Variants in SULT6B1 observed in about 807,000 individuals in gnomAD.
SULT6B1 encodes the protein sulfotransferase 6B1.
SULT6B1 carries 44 observed loss-of-function variants against 37.2 expected under a neutral mutation model. The ratio of observed to expected loss-of-function variants is 1.18; its 90% CI spans 0.93 to 1.52. The LOEUF is 1.52. Ranked by LOEUF, SULT6B1 falls within the 40% of genes most tolerant of loss-of-function variation. The pLI, the probability that SULT6B1 is intolerant of heterozygous loss-of-function variation, is 0.00. For synonymous variants in SULT6B1, 140 were observed against 126.0 expected (o/e 1.11, Z -0.74); for missense variants, 450 against 361.0 (o/e 1.25, Z -2.00).
chr2:37,179,119 A>G (rs10181658), intron 4 of SULT6B1, among the ~76,000 whole-genome samples: 1 of 151,884 alleles, frequency 6.6e-6, no homozygotes, highest in Non-Finnish European at 1.5e-5. Context: ...CCACCACGCC[A>G]GGCTAATTTT....
intron 5 of SULT6B1, among the ~76,000 whole-genome samples, chr2:37,174,575 C>T (rs574153207): frequency 6.6e-6 from 1 of 152,184 alleles, no homozygotes; most frequent in African/African-American, 2.4e-5. Context: ...TTTCCTTCAC[C>T]AGCTATGCTG....
At chr2:37,192,478 T>C (rs371971939), upstream of SULT6B1, among the ~76,000 whole-genome samples, 27 of 152,312 alleles carry the variant, frequency 1.8e-4, no homozygotes, top group East Asian at 4.2e-3. Flanking sequence ...TATCTGAATA[T>C]CTTAGTATTT....
At chr2:37,171,840 A>G (rs1356094938) in intron 5 of SULT6B1, among the ~76,000 whole-genome samples, 1 of 152,174 alleles carries the variant, frequency 6.6e-6, no homozygotes, top group African/African-American at 2.4e-5. Flanking sequence ...AGTTTTTAGC[A>G]TGTAAATAAT....
At chr2:37,191,745 G>A (rs1676784802), upstream of SULT6B1, among the ~76,000 whole-genome samples, 1 of 152,192 alleles carries the variant, frequency 6.6e-6, no homozygotes. Context: ...GAAAAAAACT[G>A]TAATACTGTA....
At chr2:37,182,335 C>T (rs1572462430) in intron 3 of SULT6B1, among the ~76,000 whole-genome samples, 2 of 151,628 alleles carry the variant, frequency 1.3e-5, no homozygotes, top group Admixed American at 6.6e-5. Context: ...CTCACTGCAA[C>T]GTCCGCCTCT....
chr2:37,182,946 C>T (rs1174345322), intron 3 of SULT6B1, among the ~76,000 whole-genome samples: 2 of 152,230 alleles, frequency 1.3e-5, no homozygotes, highest in Non-Finnish European at 2.9e-5. Context: ...CTTTGGGAGG[C>T]CTTGGTGGCA....
At chr2:37,190,189 A>C (rs1386344658), upstream of SULT6B1, among the ~76,000 whole-genome samples, 2 of 152,092 alleles carry the variant, frequency 1.3e-5, no homozygotes, top group Non-Finnish European at 2.9e-5. Flanking sequence ...GTCATAATTT[A>C]CTCTTTGGCC....
At chr2:37,191,863 G>A (rs560442876), upstream of SULT6B1, among the ~76,000 whole-genome samples, 1 of 152,332 alleles carries the variant, frequency 6.6e-6, no homozygotes, top group South Asian at 2.1e-4. Context: ...GGGACTAAAA[G>A]AGCTGTTAGC....
At position 37,175,208 on chromosome 2, in the gene SULT6B1, A is replaced by T; in HGVS notation, c.548T>A (p.Phe183Tyr). ...TTTGTTCCAATTGATTGCAAAATCA[A>T]AATACCTTCCCCAAGAAACTAAAAA... ...MKGQVSWGRY[F>Y]DFAINWNKHL... Residue 183 changes from phenylalanine (F) to tyrosine (Y), a missense_variant, in exon 5 of 7, where the codon TTT becomes TAT. Coordinates refer to ENST00000535679, the MANE Select transcript of SULT6B1 (RefSeq NM_001367551.1). 1 of 1,590,638 alleles carries T rather than the reference A, an allele frequency of 6.3e-7. No individual in the cohort carries two copies. The highest frequency in any genetic ancestry group is 8.6e-7 in the Non-Finnish European group (1 of 1,167,618).
In SULT6B1 at chr2:37,185,442, C is replaced by T. The variant is rs191983471; in HGVS notation, c.312+1913G>A. ...AAAATTAAAGGGCATATTGGCCAGGCGTGGTGGCTCATGCCTGTAATCCCA... is the reference window on the plus strand; with the variant it reads ...AAAATTAAAGGGCATATTGGCCAGGTGTGGTGGCTCATGCCTGTAATCCCA... On this transcript the variant is annotated intron_variant, in intron 2 of 6. Coordinates refer to ENST00000535679, the MANE Select transcript of SULT6B1 (RefSeq NM_001367551.1). Among the ~76,000 whole-genome samples the T allele has an allele frequency of 1.4e-3, 216 of 152,100 alleles. 1 individual carries two copies. Among genetic ancestry groups the T allele is most frequent in the African/African-American group, 4.7e-3 (197 of 41,490 alleles).
At chr2:37,192,926 A>T (rs1293954220), upstream of SULT6B1, among the ~76,000 whole-genome samples, 1 of 152,194 alleles carries the variant, frequency 6.6e-6, no homozygotes, top group African/African-American at 2.4e-5. Flanking sequence ...TTGTCTGGCA[A>T]GCATAATGGA....
chr2:37,168,856 GTTGTAAGTT>G (rs1174668824), intron 6 of SULT6B1, among the ~76,000 whole-genome samples: 14 of 152,164 alleles, frequency 9.2e-5, no homozygotes, highest in Admixed American at 9.2e-4. Context: ...TTAGGTTGAA[GTTGTAAGTT>G]CCATATTGCA....
intron 4 of SULT6B1, 113 bp from the exon 5 acceptor site, chr2:37,175,339 C>G (rs1676402470): frequency 2.2e-6 from 1 of 447,222 alleles, no homozygotes; most frequent in Non-Finnish European, 3.9e-6. Context: ...CTCGAGATAT[C>G]TTTATGTTAT....
chr2:37,188,599 A>G lies in SULT6B1; in HGVS notation c.42T>C (p.Ala14=), dbSNP rs1302836575. Residue 14 remains alanine, a synonymous_variant, in exon 1 of 7, where the codon GCT becomes GCC. Coordinates refer to ENST00000535679, the MANE Select transcript of SULT6B1 (RefSeq NM_001367551.1). ...GTGCAGTTTCTTTTGATTTTTCTAAAGCTTCGTCAATGTATTCAATAAATT... is the reference window on the plus strand; with the variant it reads ...GTGCAGTTTCTTTTGATTTTTCTAAGGCTTCGTCAATGTATTCAATAAATT... ...KSKFIEYIDE[A]LEKSKETALS... is the part of the protein sequence containing the mutation. The G allele has an allele frequency of 4.0e-6, 6 of 1,517,502 alleles. No individual in the cohort carries two copies. The South Asian group carries it at 6.7e-5, about 17-fold the overall frequency. The allele number at this position is 1,517,502 out of a possible 1,614,324, so 94.0% of individuals were successfully genotyped here.
intron 2 of SULT6B1, 142 bp from the exon 3 acceptor site, chr2:37,183,656 T>C: frequency 1.6e-6 from 1 of 644,366 alleles, no homozygotes; most frequent in Non-Finnish European, 2.7e-6. Flanking sequence ...CCAATTTTTC[T>C]TTTTTGAAAC....
At position 37,183,406 on chromosome 2, in the gene SULT6B1, A is replaced by T. The variant is rs762942594; in HGVS notation, c.402+19T>A. 19 of 1,593,112 alleles carry T rather than the reference A, an allele frequency of 1.2e-5. No homozygotes were observed. In the East Asian group the frequency reaches 3.1e-4, roughly 26 times the overall value. On this transcript the variant is annotated intron_variant, in intron 3 of 6. Coordinates refer to ENST00000535679, the MANE Select transcript of SULT6B1 (RefSeq NM_001367551.1). Reference sequence around the variant, plus strand: ...TACATAGAAATTTCAAAGAATTATCAGTAGGAAAGGACACTCACCTTGGCT... The same window carrying T: ...TACATAGAAATTTCAAAGAATTATCTGTAGGAAAGGACACTCACCTTGGCT...
chr2:37,180,654 C>T (rs775201616), intron 3 of SULT6B1, among the ~76,000 whole-genome samples: 7 of 152,104 alleles, frequency 4.6e-5, no homozygotes, highest in East Asian at 1.9e-4. Flanking sequence ...GAGGCTGAGG[C>T]GGCTGGATCA....
At chr2:37,186,591 G>T (rs1359991986) in intron 2 of SULT6B1, among the ~76,000 whole-genome samples, 1 of 152,044 alleles carries the variant, frequency 6.6e-6, no homozygotes, top group African/African-American at 2.4e-5. Context: ...CTGAGATAGG[G>T]AAATCAAAAA....
intron 1 of SULT6B1, among the ~76,000 whole-genome samples, chr2:37,187,941 A>C (rs1351288404): frequency 6.6e-6 from 1 of 152,222 alleles, no homozygotes; most frequent in African/African-American, 2.4e-5. Flanking sequence ...AGAAAGCAGG[A>C]TCATCTAGAT....
Sources: gnomAD v4.1 joint callset for allele counts (sites outside exome capture counted in the v4.1 genomes callset) on GRCh38, gnomAD v4.1.1 for gene constraint, MANE v1.5 for transcripts, NCBI Gene and HGNC (gene_info 2026-07-23, HGNC 2026-07-21) for gene names.